The following PRPF39 variants were observed in gnomAD, a reference collection of about 807,000 sequenced individuals.
The protein encoded by PRPF39 is pre-mRNA-processing factor 39.
A neutral mutation model predicts 82.1 loss-of-function variants in PRPF39; 27 were observed. That is an observed-to-expected ratio of 0.33 (90% CI 0.24 to 0.45). PRPF39 has a LOEUF of 0.45. Ranked by LOEUF, PRPF39 falls within the 20% of genes least tolerant of loss-of-function variation. PRPF39 has a pLI of 1.00. For synonymous variants in PRPF39, 261 were observed against 256.4 expected (o/e 1.02, Z -0.17); for missense variants, 581 against 796.9 (o/e 0.73, Z 3.26).
chr14:45,113,907 T>C (rs1388920642), intron 11 of PRPF39, among the ~76,000 whole-genome samples: 2 of 152,166 alleles, frequency 1.3e-5, no homozygotes, highest in Non-Finnish European at 2.9e-5. Context: ...AGTAAGCTAT[T>C]GGAATTTTGA....
In PRPF39 at chr14:45,102,541, T is replaced by C. The variant is rs772805236; in HGVS notation, c.582T>C (p.His194=). 7 of 1,598,960 alleles carry C rather than the reference T, an allele frequency of 4.4e-6. No individual in the cohort carries two copies. The highest frequency in any genetic ancestry group is 3.6e-5 in the Admixed American group (2 of 55,770). ...TNNTIRGTFE[H]AVLAAGTDFR... is the part of the protein sequence containing the mutation. Reference sequence around the variant, plus strand: ...TTTAATTTTTCAGAACTTTTGAGCATGCTGTTCTAGCTGCAGGAACAGATT... The same window carrying C: ...TTTAATTTTTCAGAACTTTTGAGCACGCTGTTCTAGCTGCAGGAACAGATT... Residue 194 remains histidine (H), a synonymous_variant, in exon 5 of 14, where the codon CAT becomes CAC. Coordinates refer to ENST00000355765, the MANE Select transcript of PRPF39 (RefSeq NM_017922.4).
At chr14:45,094,004 A>T (rs530837778) in intron 1 of PRPF39, among the ~76,000 whole-genome samples, 1 of 152,102 alleles carries the variant, frequency 6.6e-6, no homozygotes, top group Admixed American at 6.5e-5. Context: ...ATTTTGATTT[A>T]TGTCTTTATT....
intron 1 of PRPF39, among the ~76,000 whole-genome samples, chr14:45,085,276 A>G (rs1435807620): frequency 3.3e-5 from 5 of 152,190 alleles, no homozygotes; most frequent in Non-Finnish European, 5.9e-5. Context: ...TCTAGTAGGG[A>G]TAAAGTGATG....
chr14:45,088,611 A>G (rs1883918849), intron 1 of PRPF39, among the ~76,000 whole-genome samples: 1 of 152,236 alleles, frequency 6.6e-6, no homozygotes, highest in East Asian at 1.9e-4. Flanking sequence ...TAGACAAGTT[A>G]TTTAACGTTA....
intron 4 of PRPF39, 40 bp from the exon 5 acceptor site, chr14:45,102,489 T>A: frequency 6.8e-7 from 1 of 1,478,128 alleles, no homozygotes; most frequent in South Asian, 1.3e-5. Flanking sequence ...AAAGTGATTT[T>A]ATCTTGGAAA....
chr14:45,114,177 T>G lies in PRPF39; in HGVS notation c.1758-6T>G. 6.4e-7 allele frequency: 1 copy of G among 1,567,124 alleles called. No individual in the cohort carries two copies. Among genetic ancestry groups the G allele is most frequent in the Non-Finnish European group, 8.7e-7 (1 of 1,150,310 alleles). ...TTCCAGAGGATATTTTTTTCTTTCC[T>G]TTCAGGCTTCTGAATGCTTATGATG... is the stretch of plus-strand genomic sequence containing the variant. On this transcript the variant is annotated splice_polypyrimidine_tract_variant and splice_region_variant and intron_variant, in intron 11 of 13. Coordinates refer to ENST00000355765, the MANE Select transcript of PRPF39 (RefSeq NM_017922.4).
intron 10 of PRPF39, among the ~76,000 whole-genome samples, chr14:45,111,148 C>T (rs1016738239): frequency 3.9e-5 from 6 of 152,112 alleles, no homozygotes; most frequent in African/African-American, 1.4e-4. Flanking sequence ...AAAGCATAGG[C>T]GTTGCCTATG....
intron 11 of PRPF39, 139 bp from the exon 12 acceptor site, chr14:45,114,044 T>G: frequency 1.7e-6 from 1 of 595,286 alleles, no homozygotes. Context: ...AGGACTATGA[T>G]TTTAGTAGTA....
Position 45,114,839 on chromosome 14 carries a change from C to T in PRPF39, c.1954-18C>T. On this transcript the variant is annotated intron_variant, in intron 13 of 13. Transcript: ENST00000355765. Reference sequence around the variant, plus strand: ...GCCACAGTTCTAATATGCTAACATACTTACTTTTTCCTTTCAGTACAATTA... The same window carrying T: ...GCCACAGTTCTAATATGCTAACATATTTACTTTTTCCTTTCAGTACAATTA... The T allele has an allele frequency of 1.3e-6, 2 of 1,574,122 alleles. No individual in the cohort carries two copies. The highest frequency in any genetic ancestry group is 1.7e-6 in the Non-Finnish European group (2 of 1,144,570).
In PRPF39 at chr14:45,116,032, T is replaced by TA. The variant is rs572150069; in HGVS notation, c.*1120dup. ...TTAGACCAGGGATTCATAAGGGATT[T>TA]ATCTCTCAAAAGCTGGGACCAAGTA... On this transcript the variant is annotated 3_prime_UTR_variant, in exon 14 of 14. Transcript: ENST00000355765. 4.6e-4 allele frequency: 264 copies of TA among 569,446 alleles called. 1 individual carries two copies. Among genetic ancestry groups the TA allele is most frequent in the African/African-American group, 4.5e-3 (239 of 53,634 alleles). 35.3% of individuals were successfully genotyped at this position (569,446 alleles called of 1,614,324 possible).
At chr14:45,104,826 G>C (rs934369163) in intron 5 of PRPF39, among the ~76,000 whole-genome samples, 16 of 152,274 alleles carry the variant, frequency 1.1e-4, no homozygotes, top group Admixed American at 4.6e-4. Flanking sequence ...CCAAAGGGCA[G>C]TGTTGTTTTA....
intron 10 of PRPF39, 23 bp from the exon 11 acceptor site, chr14:45,112,295 C>T (rs1426746800): frequency 1.3e-6 from 2 of 1,527,974 alleles, no homozygotes; most frequent in Non-Finnish European, 1.7e-6. Context: ...TAGAAATATT[C>T]ATTGATGCTG....
intron 1 of PRPF39, among the ~76,000 whole-genome samples, chr14:45,089,601 A>G (rs1041439988): frequency 3.9e-5 from 6 of 152,008 alleles, no homozygotes; most frequent in African/African-American, 1.5e-4. Flanking sequence ...TTTGTAGAGA[A>G]TGGTTTTTGC....
chr14:45,116,252 T>A lies in PRPF39; in HGVS notation c.*1339T>A, dbSNP rs1306450209. 7 of 1,612,178 alleles carry A rather than the reference T, an allele frequency of 4.3e-6. No individual in the cohort carries two copies. The highest frequency in any genetic ancestry group is 5.9e-6 in the Non-Finnish European group (7 of 1,178,416). ...AAGTGAGTTTTGCATTTGGTGGAAT[T>A]CTGTTGAAGAAGTCAAGGTACATTT... On this transcript the variant is annotated 3_prime_UTR_variant, in exon 14 of 14. Transcript: ENST00000355765.
chr14:45,099,597 A>T (rs899231512), intron 4 of PRPF39, among the ~76,000 whole-genome samples: 19 of 152,028 alleles, frequency 1.2e-4, no homozygotes, highest in Non-Finnish European at 2.8e-4. Flanking sequence ...GGCACCTGCC[A>T]CCACGCCTGA....
chr14:45,104,531 C>T (rs1312746140), intron 5 of PRPF39, among the ~76,000 whole-genome samples: 1 of 151,914 alleles, frequency 6.6e-6, no homozygotes, highest in Non-Finnish European at 1.5e-5. Context: ...AATGAAGGCC[C>T]AAAGAAGCCA....
intron 5 of PRPF39, among the ~76,000 whole-genome samples, chr14:45,104,295 A>T (rs1340693040): frequency 6.6e-6 from 1 of 152,156 alleles, no homozygotes; most frequent in African/African-American, 2.4e-5. Flanking sequence ...CTATAATCTG[A>T]TATTTTTCAC....
At chr14:45,090,669 T>C (rs1883992639) in intron 1 of PRPF39, among the ~76,000 whole-genome samples, 1 of 152,184 alleles carries the variant, frequency 6.6e-6, no homozygotes, top group South Asian at 2.1e-4. Flanking sequence ...CAAATGATTT[T>C]TTCAATAATC....
Position 45,112,218 on chromosome 14 carries a change from A to G in PRPF39, c.1573-100A>G, listed in dbSNP as rs2139067724. The G allele has an allele frequency of 5.8e-6, 6 of 1,043,272 alleles. No individual in the cohort carries two copies. The South Asian group carries it at 8.6e-5, about 15-fold the overall frequency. The allele number at this position is 1,043,272 out of a possible 1,614,324, so 64.6% of individuals were successfully genotyped here. ...GAGTTGTATTTTAATACAATTTTCA[A>G]TATTTTTTCAAATTGAGACATAAAA... On this transcript the variant is annotated intron_variant, in intron 10 of 13. Coordinates refer to ENST00000355765, the MANE Select transcript of PRPF39 (RefSeq NM_017922.4).
Sources: gnomAD v4.1 joint callset for allele counts (sites outside exome capture counted in the v4.1 genomes callset) on GRCh38, gnomAD v4.1.1 for gene constraint, MANE v1.5 for transcripts, NCBI Gene and HGNC (gene_info 2026-07-23, HGNC 2026-07-21) for gene names.